USH2A: variants seen among roughly 807,000 people sequenced by gnomAD.
USH2A encodes Usher syndrome 2A (autosomal recessive, mild).
USH2A carries 443 observed loss-of-function variants against 538.9 expected under a neutral mutation model. The observed-to-expected ratio is 0.82, with a 90% confidence interval of 0.76 to 0.89. USH2A has a LOEUF of 0.89. Among genes scored for constraint, USH2A ranks in the 40% least tolerant of loss-of-function variants. The probability of loss-of-function intolerance (pLI) is 0.00; values close to 1 mark genes in which losing one functional copy is unlikely to be tolerated. For missense variants in USH2A, 6,633 were observed against 6,324.8 expected, an observed-to-expected ratio of 1.05 and a Z score of -1.65; for synonymous variants, 2,413 against 2,273.5, an observed-to-expected ratio of 1.06 and a Z score of -1.75.
intron 35 of USH2A, among the ~76,000 whole-genome samples, chr1:215,977,130 A>G (rs1667637510): frequency 6.6e-6 from 1 of 152,146 alleles, no homozygotes; most frequent in African/African-American, 2.4e-5. Flanking sequence ...AAATTCTTAG[A>G]AACAAACAAC....
intron 38 of USH2A, among the ~76,000 whole-genome samples, chr1:215,929,928 A>G (rs517577): frequency 0.83 from 125,428 of 151,762 alleles, 51,949 homozygotes; most frequent in Admixed American, 0.84. Flanking sequence ...GGATAAGTGG[A>G]GAGGGGGTTC....
chr1:215,633,740 G>A (rs950519301), intron 70 of USH2A, among the ~76,000 whole-genome samples: 1 of 152,132 alleles, frequency 6.6e-6, no homozygotes, highest in Non-Finnish European at 1.5e-5. Flanking sequence ...ATTAGAAAAC[G>A]CAGCCTTTCC....
chr1:216,094,839 CTTGGGGAAA>C (rs1486605831), intron 22 of USH2A, among the ~76,000 whole-genome samples: 1 of 152,004 alleles, frequency 6.6e-6, no homozygotes, highest in African/African-American at 2.4e-5. Flanking sequence ...AGTGTTGTGA[CTTGGGGAAA>C]ATTAACTTAC....
chr1:215,864,738 G>C (rs1433234892), intron 44 of USH2A, among the ~76,000 whole-genome samples: 1 of 152,158 alleles, frequency 6.6e-6, no homozygotes, highest in Non-Finnish European at 1.5e-5. Context: ...TGCAACATCT[G>C]CCTTCCAAAA....
intron 60 of USH2A, among the ~76,000 whole-genome samples, chr1:215,735,058 G>A (rs1171336129): frequency 6.6e-6 from 1 of 152,160 alleles, no homozygotes; most frequent in South Asian, 2.1e-4. Flanking sequence ...TTCTTGTGTT[G>A]CAATAAAGAA....
chr1:215,912,489 A>ATATG (rs1665824418), intron 38 of USH2A, among the ~76,000 whole-genome samples: 2 of 21,880 alleles, frequency 9.1e-5, no homozygotes, highest in African/African-American at 2.1e-4. Context: ...ATATATATAT[A>ATATG]TGTGTATATA....
chr1:216,175,349 T>G lies in USH2A; in HGVS notation c.4530A>C (p.Pro1510=), dbSNP rs751158662. Residue 1510 remains proline, a synonymous_variant, in exon 21 of 72, where the codon CCA becomes CCC. Coordinates refer to ENST00000307340, the MANE Select transcript of USH2A (RefSeq NM_206933.4). The part of the protein sequence containing the change: ...YQLERRESSL[P]ALMTTMMKGI... Reference sequence around the variant, plus strand: ...CTTTCATCATCGTGGTCATCAGAGCTGGTAGAGATGACTCTCTCCTTTCCA... The same window carrying G: ...CTTTCATCATCGTGGTCATCAGAGCGGGTAGAGATGACTCTCTCCTTTCCA... The G allele has an allele frequency of 1.9e-6, 3 of 1,613,866 alleles. No homozygotes were observed. Among genetic ancestry groups the G allele is most frequent in the Middle Eastern group, 1.7e-4 (1 of 6,056 alleles).
intron 58 of USH2A, among the ~76,000 whole-genome samples, chr1:215,752,434 T>C (rs756788778): frequency 5.3e-5 from 8 of 152,188 alleles, no homozygotes; most frequent in Non-Finnish European, 8.8e-5. Flanking sequence ...AAGGTTTACA[T>C]GGGAGACAGG....
chr1:216,372,300 T>A (rs1205372993), intron 3 of USH2A, among the ~76,000 whole-genome samples: 1 of 152,154 alleles, frequency 6.6e-6, no homozygotes, highest in African/African-American at 2.4e-5. Flanking sequence ...CTCTGTCCAC[T>A]TCTCTCCATT....
intron 21 of USH2A, among the ~76,000 whole-genome samples, chr1:216,151,037 C>A (rs190089698): frequency 6.6e-6 from 1 of 152,272 alleles, no homozygotes; most frequent in East Asian, 1.9e-4. Context: ...CCTTGCTCAT[C>A]AGACTCTCCT....
In USH2A at chr1:215,632,489, T is replaced by C. The variant is rs574936522; in HGVS notation, c.15297+1970A>G. On this transcript the variant is annotated intron_variant, in intron 70 of 71. Coordinates refer to ENST00000307340, the MANE Select transcript of USH2A (RefSeq NM_206933.4). ...AGACAGTGTTCTTCCTCATGGAGGA[T>C]TCTGACACAGAGGTGCCTGCCTATA... Among the ~76,000 whole-genome samples, 177 of 152,310 alleles carry C rather than the reference T, an allele frequency of 1.2e-3. 1 individual carries two copies. Among genetic ancestry groups the C allele is most frequent in the African/African-American group, 4.2e-3 (173 of 41,572 alleles).
intron 3 of USH2A, among the ~76,000 whole-genome samples, chr1:216,392,655 C>T (rs2039131299): frequency 6.6e-6 from 1 of 151,932 alleles, no homozygotes; most frequent in Non-Finnish European, 1.5e-5. Context: ...TGATACAATG[C>T]TGTTTTTTTA....
intron 3 of USH2A, among the ~76,000 whole-genome samples, chr1:216,412,655 A>C (rs1263361603): frequency 1.3e-5 from 2 of 151,746 alleles, no homozygotes; most frequent in African/African-American, 4.8e-5. Context: ...GTATAAATAT[A>C]CAAAATTATA....
intron 61 of USH2A, among the ~76,000 whole-genome samples, chr1:215,692,317 G>C (rs1231808033): frequency 6.6e-6 from 1 of 152,130 alleles, no homozygotes; most frequent in Non-Finnish European, 1.5e-5. Context: ...ACAGGAACAG[G>C]AGATGGTAGC....
intron 38 of USH2A, among the ~76,000 whole-genome samples, chr1:215,918,225 T>C (rs1666010277): frequency 6.6e-6 from 1 of 152,080 alleles, no homozygotes; most frequent in South Asian, 2.1e-4. Flanking sequence ...AAATACTAAC[T>C]AGATCTAGCA....
chr1:215,778,146 G>A (rs913212079), intron 55 of USH2A, among the ~76,000 whole-genome samples: 2 of 151,486 alleles, frequency 1.3e-5, no homozygotes, highest in African/African-American at 4.9e-5. Flanking sequence ...CTGCCGCCCA[G>A]GTTGGAGTGA....
chr1:215,782,412 C>T (rs1170494126), intron 53 of USH2A, among the ~76,000 whole-genome samples: 1 of 152,020 alleles, frequency 6.6e-6, no homozygotes, highest in Non-Finnish European at 1.5e-5. Flanking sequence ...ATGTTTATTT[C>T]CTTTCACTAT....
intron 61 of USH2A, among the ~76,000 whole-genome samples, chr1:215,693,479 T>C (rs1270626674): frequency 6.6e-6 from 1 of 152,028 alleles, no homozygotes; most frequent in Non-Finnish European, 1.5e-5. Context: ...AGAGACAGGG[T>C]TATGATTTTA....
chr1:216,402,752 G>A (rs2039328363), intron 3 of USH2A, among the ~76,000 whole-genome samples: 2 of 152,066 alleles, frequency 1.3e-5, no homozygotes, highest in South Asian at 4.1e-4. Context: ...ACATTTTGGG[G>A]TGGTCAAAAG....
Sources: gnomAD v4.1 joint callset for allele counts (sites outside exome capture counted in the v4.1 genomes callset) on GRCh38, gnomAD v4.1.1 for gene constraint, MANE v1.5 for transcripts, NCBI Gene and HGNC (gene_info 2026-07-23, HGNC 2026-07-21) for gene names.